IL1R2: variants seen among roughly 807,000 people sequenced by gnomAD.
The protein encoded by IL1R2 is interleukin 1 receptor type 2.
In IL1R2, 46 loss-of-function variants were observed where a neutral mutation model predicts 39.5. The observed-to-expected ratio is 1.16, with a 90% CI of 0.92 to 1.49. The LOEUF is 1.49. Ranked by LOEUF, IL1R2 falls within the 40% of genes most tolerant of loss-of-function variation. The pLI, the probability that IL1R2 is intolerant of heterozygous loss-of-function variation, is 0.00. For missense variants in IL1R2, 537 were observed against 502.0 expected (o/e 1.07, Z -0.67); for synonymous variants, 207 against 189.6 (o/e 1.09, Z -0.75).
chr2:102,004,369 C>T (rs956078536), intron 1 of IL1R2, among the ~76,000 whole-genome samples: 5 of 151,936 alleles, frequency 3.3e-5, no homozygotes, highest in Non-Finnish European at 5.9e-5. Flanking sequence ...TTTCTACCTT[C>T]CAGCATTCTT....
At chr2:102,017,860 A>G (rs1236867387) in intron 4 of IL1R2, among the ~76,000 whole-genome samples, 3 of 152,154 alleles carry the variant, frequency 2.0e-5, no homozygotes, top group Non-Finnish European at 4.4e-5. Context: ...TCCTGAAAAC[A>G]TTGGTCAACT....
intron 4 of IL1R2, among the ~76,000 whole-genome samples, chr2:102,017,788 G>A (rs1056185231): frequency 1.4e-4 from 22 of 152,124 alleles, no homozygotes; most frequent in African/African-American, 5.1e-4. Context: ...GCTTTCACAT[G>A]GCCTAGTTGT....
chr2:102,021,147 G>C (rs1335510116), intron 5 of IL1R2, among the ~76,000 whole-genome samples: 1 of 152,098 alleles, frequency 6.6e-6, no homozygotes, highest in Non-Finnish European at 1.5e-5. Context: ...AGGCTGTCCT[G>C]CCATGCTGTC....
intron 3 of IL1R2, among the ~76,000 whole-genome samples, chr2:102,014,936 T>C (rs1336988296): frequency 6.9e-6 from 1 of 144,918 alleles, no homozygotes; most frequent in Non-Finnish European, 1.5e-5. Context: ...GAAATAATGA[T>C]TAGGCTAGTA....
chr2:101,993,241 G>A (rs1320182388), intron 1 of IL1R2, among the ~76,000 whole-genome samples: 1 of 152,180 alleles, frequency 6.6e-6, no homozygotes, highest in East Asian at 1.9e-4. Context: ...TAGGGCTGCG[G>A]TGTGTCCCCA....
At chr2:101,996,566 T>C (rs977608570) in intron 1 of IL1R2, among the ~76,000 whole-genome samples, 1 of 133,578 alleles carries the variant, frequency 7.5e-6, no homozygotes, top group Non-Finnish European at 1.5e-5. Flanking sequence ...CTTGGGACAA[T>C]TGCCACCCTT....
At chr2:102,015,264 T>C (rs1676923758) in intron 3 of IL1R2, among the ~76,000 whole-genome samples, 1 of 152,196 alleles carries the variant, frequency 6.6e-6, no homozygotes, top group Non-Finnish European at 1.5e-5. Context: ...TGAAGAGGAC[T>C]TGGGGATTTC....
intron 3 of IL1R2, among the ~76,000 whole-genome samples, chr2:102,010,574 TAAAA>T (rs35560069): frequency 1.6e-5 from 2 of 126,930 alleles, no homozygotes; most frequent in Non-Finnish European, 1.7e-5. Flanking sequence ...AGACTCTGTC[TAAAA>T]AAAAAAAAAA....
intron 3 of IL1R2, among the ~76,000 whole-genome samples, chr2:102,010,900 C>T (rs1241476283): frequency 6.6e-6 from 1 of 152,204 alleles, no homozygotes; most frequent in Non-Finnish European, 1.5e-5. Context: ...CCCCTCTCTT[C>T]TTCCCTCCAG....
chr2:102,012,717 G>T (rs1002927976), intron 3 of IL1R2, among the ~76,000 whole-genome samples: 4 of 152,210 alleles, frequency 2.6e-5, no homozygotes, highest in Non-Finnish European at 5.9e-5. Context: ...CTATTCTTAT[G>T]CTAGGAAAAT....
At chr2:102,024,759 A>G (rs1677632954) in intron 7 of IL1R2, 91 bp downstream of exon 7, 8 of 1,453,776 alleles carry the variant, frequency 5.5e-6, no homozygotes, top group Non-Finnish European at 7.4e-6. Flanking sequence ...TACCACATTA[A>G]AAGTTACTTT....
intron 3 of IL1R2, among the ~76,000 whole-genome samples, chr2:102,013,587 G>A (rs201976989): frequency 0.037 from 2,161 of 58,378 alleles, no homozygotes; most frequent in Non-Finnish European, 0.055. Context: ...AAAAGAAAAA[G>A]AAAAAAAAAA....
At chr2:102,017,598 T>A (rs1677088348) in intron 4 of IL1R2, among the ~76,000 whole-genome samples, 1 of 152,160 alleles carries the variant, frequency 6.6e-6, no homozygotes, top group Non-Finnish European at 1.5e-5. Flanking sequence ...AATCAAGTTG[T>A]CTCCTGGATT....
chr2:102,018,517 C>T (rs1475336189), intron 4 of IL1R2, among the ~76,000 whole-genome samples: 2 of 152,194 alleles, frequency 1.3e-5, no homozygotes, highest in Non-Finnish European at 2.9e-5. Flanking sequence ...ATAAATGGTG[C>T]TCAATAAATG....
At position 101,993,085 on chromosome 2, in the gene IL1R2, G is replaced by C. The variant is rs938574413; in HGVS notation, c.-62+1074G>C. Among the ~76,000 whole-genome samples the C allele has an allele frequency of 3.9e-5, 6 of 152,184 alleles. No individual in the cohort carries two copies. The East Asian group carries it at 1.2e-3, about 29-fold the overall frequency. On this transcript the variant is annotated intron_variant, in intron 1 of 8. Transcript: ENST00000332549. ...CCGTTTCTACCGCATGAGGCTGCAC[G>C]TGGGATGTGCACTGAATGGAGGGCT...
intron 3 of IL1R2, among the ~76,000 whole-genome samples, chr2:102,014,535 A>G (rs1014425744): frequency 4.6e-5 from 7 of 152,202 alleles, no homozygotes; most frequent in African/African-American, 1.7e-4. Context: ...ATATTTGTTC[A>G]TCTATTTTCC....
At chr2:102,006,874 C>T (rs1210968414) in intron 1 of IL1R2, among the ~76,000 whole-genome samples, 3 of 152,210 alleles carry the variant, frequency 2.0e-5, no homozygotes, top group Non-Finnish European at 2.9e-5. Flanking sequence ...GAGTTAGTTC[C>T]CAGTGTGGCC....
At chr2:102,019,253 G>A (rs1313056420) in intron 4 of IL1R2, among the ~76,000 whole-genome samples, 1 of 152,182 alleles carries the variant, frequency 6.6e-6, no homozygotes, top group Non-Finnish European at 1.5e-5. Context: ...TCTGAGCATT[G>A]TTGTCCAGGT....
intron 1 of IL1R2, among the ~76,000 whole-genome samples, chr2:102,008,141 G>T (rs1676378575): frequency 6.6e-6 from 1 of 152,210 alleles, no homozygotes. Context: ...AGATAGGGAG[G>T]TGAGGGAGAC....
Sources: allele counts gnomAD v4.1 joint callset (sites outside exome capture counted in the v4.1 genomes callset), GRCh38; gene constraint gnomAD v4.1.1; transcripts MANE v1.5; gene names NCBI Gene and HGNC (gene_info 2026-07-23, HGNC 2026-07-21).